The following ZSWIM5 variants were observed in gnomAD, a reference collection of about 807,000 sequenced individuals.
ZSWIM5 encodes zinc finger SWIM-type containing 5.
Under a neutral mutation model 119.6 loss-of-function variants are expected in ZSWIM5, and 55 were observed. The observed-to-expected ratio is 0.46, with a 90% CI of 0.37 to 0.58. The LOEUF (loss-of-function observed/expected upper bound fraction) is 0.58, where lower values mean the gene tolerates loss of function less well. Among genes scored for constraint, ZSWIM5 ranks in the 20% least tolerant of loss-of-function variants. The pLI is 0.00. For synonymous variants in ZSWIM5, 537 were observed against 606.9 expected, an observed-to-expected ratio of 0.88 and a Z score of 1.69; for missense variants, 1,193 against 1,512.8, an observed-to-expected ratio of 0.79 and a Z score of 3.51.
intron 1 of ZSWIM5, among the ~76,000 whole-genome samples, chr1:45,187,637 G>T (rs1249323491): frequency 6.6e-6 from 1 of 151,460 alleles, no homozygotes; most frequent in East Asian, 1.9e-4. Context: ...GTGCTTCAAA[G>T]GACACTATCA....
At chr1:45,172,424 G>C (rs1645951324) in intron 1 of ZSWIM5, among the ~76,000 whole-genome samples, 1 of 152,014 alleles carries the variant, frequency 6.6e-6, no homozygotes, top group South Asian at 2.1e-4. Context: ...TTAGTGAAGT[G>C]AACTGAAAAG....
intron 2 of ZSWIM5, among the ~76,000 whole-genome samples, chr1:45,061,560 G>A (rs932625432): frequency 6.6e-6 from 1 of 151,190 alleles, no homozygotes; most frequent in African/African-American, 2.4e-5. Context: ...TGGCAGAGAT[G>A]GGGCATCGCC....
At chr1:45,180,798 A>G (rs1212165132) in intron 1 of ZSWIM5, among the ~76,000 whole-genome samples, 1 of 152,078 alleles carries the variant, frequency 6.6e-6, no homozygotes, top group African/African-American at 2.4e-5. Context: ...TTCTGCAGAC[A>G]CCGCTGCTGA....
intron 1 of ZSWIM5, among the ~76,000 whole-genome samples, chr1:45,118,484 A>G (rs1645571949): frequency 6.6e-6 from 1 of 152,184 alleles, no homozygotes; most frequent in Admixed American, 6.5e-5. Context: ...GCCCAGGCCT[A>G]TAATCCCAGT....
At chr1:45,050,547 G>A (rs564944885) in intron 5 of ZSWIM5, among the ~76,000 whole-genome samples, 1 of 152,228 alleles carries the variant, frequency 6.6e-6, no homozygotes, top group South Asian at 2.1e-4. Context: ...AAGGGTGGAG[G>A]GTATGGTATC....
At chr1:45,041,194 T>A (rs1269628665) in intron 6 of ZSWIM5, among the ~76,000 whole-genome samples, 4 of 152,200 alleles carry the variant, frequency 2.6e-5, no homozygotes, top group African/African-American at 9.7e-5. Context: ...ATTAATAGCA[T>A]CCATCTTCAG....
At chr1:45,055,402 A>G (rs1472602040) in intron 4 of ZSWIM5, among the ~76,000 whole-genome samples, 4 of 152,212 alleles carry the variant, frequency 2.6e-5, no homozygotes, top group African/African-American at 9.7e-5. Context: ...CTAGGATTAC[A>G]GGCGTGAGAA....
At chr1:45,129,299 C>T (rs112957214) in intron 1 of ZSWIM5, among the ~76,000 whole-genome samples, 6 of 151,944 alleles carry the variant, frequency 3.9e-5, no homozygotes, top group African/African-American at 1.4e-4. Flanking sequence ...GCTGGGACTA[C>T]AGGCGCCCGC....
rs768174356 is a variant in ZSWIM5 at position 45,152,971 on chromosome 1, GACAT to G, written c.595+52781_595+52784del. On this transcript the variant is annotated intron_variant, in intron 1 of 13. Transcript: ENST00000359600. ...TGCAAACAGACACTTCTCAAAAGAA[GACAT>G]ACAAACAGCCAGCAAACATGAAAAA... Among the ~76,000 whole-genome samples the G allele has an allele frequency of 1.2e-4, 18 of 150,326 alleles. No individual in the cohort carries two copies. In the South Asian group the frequency reaches 3.3e-3, roughly 28 times the overall value.
intron 1 of ZSWIM5, among the ~76,000 whole-genome samples, chr1:45,090,667 T>C (rs750835643): frequency 6.6e-6 from 1 of 151,548 alleles, no homozygotes; most frequent in Non-Finnish European, 1.5e-5. Context: ...AATAAGTAAA[T>C]AAATAAGCAA....
At chr1:45,136,485 G>T (rs887404285) in intron 1 of ZSWIM5, among the ~76,000 whole-genome samples, 1 of 151,784 alleles carries the variant, frequency 6.6e-6, no homozygotes, top group Non-Finnish European at 1.5e-5. Flanking sequence ...CTTTAATGAC[G>T]TTAACGTATA....
At chr1:45,183,734 A>C (rs1005801828) in intron 1 of ZSWIM5, among the ~76,000 whole-genome samples, 7 of 152,176 alleles carry the variant, frequency 4.6e-5, no homozygotes, top group Non-Finnish European at 1.0e-4. Flanking sequence ...CAATAACAGG[A>C]GCTGAAATTG....
At chr1:45,099,855 T>G (rs1035273119) in intron 1 of ZSWIM5, among the ~76,000 whole-genome samples, 1 of 151,852 alleles carries the variant, frequency 6.6e-6, no homozygotes, top group African/African-American at 2.4e-5. Flanking sequence ...ACAGCCTTCA[T>G]GCTAAAAACT....
intron 1 of ZSWIM5, among the ~76,000 whole-genome samples, chr1:45,140,105 G>A (rs1182457683): frequency 1.3e-5 from 2 of 152,172 alleles, no homozygotes; most frequent in African/African-American, 4.8e-5. Flanking sequence ...GAAGTGTGCT[G>A]TGATAAGGTA....
At chr1:45,139,606 T>C (rs552157879) in intron 1 of ZSWIM5, among the ~76,000 whole-genome samples, 88 of 150,698 alleles carry the variant, frequency 5.8e-4, no homozygotes, top group Admixed American at 1.3e-3. Flanking sequence ...TTGAGCCTCC[T>C]GAGTAGCTGA....
At chr1:45,173,721 A>T (rs2149046085) in intron 1 of ZSWIM5, among the ~76,000 whole-genome samples, 1 of 152,300 alleles carries the variant, frequency 6.6e-6, no homozygotes, top group East Asian at 1.9e-4. Context: ...TACATAAATT[A>T]TAACATGTTA....
At chr1:45,086,621 C>A (rs113557817) in intron 2 of ZSWIM5, among the ~76,000 whole-genome samples, 1 of 151,694 alleles carries the variant, frequency 6.6e-6, no homozygotes, top group Non-Finnish European at 1.5e-5. Context: ...CATCACACCC[C>A]GGGGGCTGTC....
chr1:45,126,941 C>A (rs185800096), intron 1 of ZSWIM5, among the ~76,000 whole-genome samples: 304 of 152,228 alleles, frequency 2.0e-3, no homozygotes, highest in Middle Eastern at 3.4e-3. Context: ...TGGGCTCAAG[C>A]AATGCTACCA....
At chr1:45,064,274 G>T (rs1182146012) in intron 2 of ZSWIM5, among the ~76,000 whole-genome samples, 1 of 151,968 alleles carries the variant, frequency 6.6e-6, no homozygotes, top group African/African-American at 2.4e-5. Context: ...GTTCTTCATA[G>T]CACTTTATTA....
Sources: gnomAD v4.1 joint callset for allele counts (sites outside exome capture counted in the v4.1 genomes callset) on GRCh38, gnomAD v4.1.1 for gene constraint, MANE v1.5 for transcripts, NCBI Gene and HGNC (gene_info 2026-07-23, HGNC 2026-07-21) for gene names.